Variants in RBFOX1 observed in about 807,000 individuals in gnomAD.
The protein encoded by RBFOX1 is RNA binding fox-1 homolog 1.
A neutral mutation model predicts 57.7 loss-of-function variants in RBFOX1; 8 were observed. The observed-to-expected ratio is 0.14, with a 90% CI of 0.08 to 0.25. RBFOX1 has a LOEUF of 0.25. Ranked by LOEUF, RBFOX1 falls within the 10% of genes least tolerant of loss-of-function variation. RBFOX1 has a pLI of 1.00. For synonymous variants in RBFOX1, 326 were observed against 222.4 expected (o/e 1.47, Z -4.15); for missense variants, 611 against 548.5 (o/e 1.11, Z -1.14).
At chr16:6,986,047 A>G (rs11077121) in intron 3 of RBFOX1, among the ~76,000 whole-genome samples, 105,579 of 151,012 alleles carry the variant, frequency 0.7, 37,296 homozygotes, top group East Asian at 0.81. Context: ...CATATCTCCA[A>G]TTTTTAAATT....
intron 4 of RBFOX1, among the ~76,000 whole-genome samples, chr16:5,995,019 A>AT (rs539607150): frequency 6.6e-6 from 1 of 152,114 alleles, no homozygotes. Flanking sequence ...GTTGGGAGAT[A>AT]TTTTTTTCCC....
At position 7,119,017 on chromosome 16, in the gene RBFOX1, T is replaced by C. The variant is rs569970706; in HGVS notation, c.27+66919T>C. On this transcript the variant is annotated intron_variant, in intron 4 of 15. Coordinates refer to ENST00000550418, the MANE Select transcript of RBFOX1 (RefSeq NM_018723.4). ...AGTTCTGTGTGCCAGAGGACACTCATGGGGAGAGATCAAGGTTACTTTTTG... is the reference window on the plus strand; with the variant it reads ...AGTTCTGTGTGCCAGAGGACACTCACGGGGAGAGATCAAGGTTACTTTTTG... Among the ~76,000 whole-genome samples, 5 of 152,102 alleles carry C rather than the reference T, an allele frequency of 3.3e-5. No homozygotes were observed. In the South Asian group the frequency reaches 1.0e-3, roughly 32 times the overall value.
chr16:6,274,692 G>GT (rs2075603400), intron 1 of RBFOX1, among the ~76,000 whole-genome samples: 1 of 152,120 alleles, frequency 6.6e-6, no homozygotes, highest in African/African-American at 2.4e-5. Context: ...GAGGAACTAG[G>GT]TAACTACACA....
At chr16:7,533,945 G>A (rs776884384) in intron 5 of RBFOX1, among the ~76,000 whole-genome samples, 5 of 152,086 alleles carry the variant, frequency 3.3e-5, no homozygotes, top group African/African-American at 4.8e-5. Context: ...CCAATGGTGG[G>A]CGATGTTACC....
chr16:7,510,166 T>C, intron 4 of RBFOX1: 13 of 985,726 alleles, frequency 1.3e-5, no homozygotes, highest in Non-Finnish European at 1.6e-5. Flanking sequence ...GCCCCCCACC[T>C]TCCTCAACAC....
intron 3 of RBFOX1, among the ~76,000 whole-genome samples, chr16:6,906,317 G>A (rs541340872): frequency 2.6e-5 from 4 of 151,628 alleles, no homozygotes; most frequent in African/African-American, 9.7e-5. Context: ...TAATAAAATT[G>A]TATTCAATTG....
At chr16:7,442,159 C>T (rs1305923119) in intron 4 of RBFOX1, among the ~76,000 whole-genome samples, 2 of 152,090 alleles carry the variant, frequency 1.3e-5, no homozygotes, top group East Asian at 1.9e-4. Context: ...AACGGGACCC[C>T]AGAGATTTTA....
At chr16:6,067,383 C>CAAA (rs79297761) in intron 1 of RBFOX1, among the ~76,000 whole-genome samples, 6 of 143,598 alleles carry the variant, frequency 4.2e-5, no homozygotes, top group East Asian at 4.1e-4. Context: ...AACAAACCAA[C>CAAA]CAAACAAACA....
chr16:6,149,709 A>G (rs1250752581), intron 1 of RBFOX1, among the ~76,000 whole-genome samples: 1 of 152,186 alleles, frequency 6.6e-6, no homozygotes, highest in Non-Finnish European at 1.5e-5. Context: ...CCACCCCCAT[A>G]AGAGATGCAG....
intron 1 of RBFOX1, among the ~76,000 whole-genome samples, chr16:5,264,967 C>T (rs2062822866): frequency 6.6e-6 from 1 of 152,026 alleles, no homozygotes; most frequent in Non-Finnish European, 1.5e-5. Flanking sequence ...TGCAGCAAAA[C>T]CTAACCTATT....
chr16:7,193,577 C>T (rs1200081143), intron 4 of RBFOX1, among the ~76,000 whole-genome samples: 1 of 152,200 alleles, frequency 6.6e-6, no homozygotes, highest in Non-Finnish European at 1.5e-5. Context: ...GAGCATTTTA[C>T]ATGCATTACC....
chr16:7,650,338 G>T (rs1218549833), intron 11 of RBFOX1, among the ~76,000 whole-genome samples: 2 of 150,328 alleles, frequency 1.3e-5, no homozygotes, highest in African/African-American at 4.9e-5. Context: ...TTGGCCAAGG[G>T]TACCTAGCCT....
chr16:6,262,605 C>G (rs1352311358), intron 1 of RBFOX1, among the ~76,000 whole-genome samples: 9 of 152,172 alleles, frequency 5.9e-5, no homozygotes, highest in Non-Finnish European at 1.2e-4. Context: ...ATTGATTGCT[C>G]ACTTTTATTT....
intron 1 of RBFOX1, among the ~76,000 whole-genome samples, chr16:5,441,032 G>T (rs140566346): frequency 6.6e-6 from 1 of 152,138 alleles, no homozygotes. Flanking sequence ...CAAATTGATC[G>T]TGAAAATGAA....
intron 1 of RBFOX1, among the ~76,000 whole-genome samples, chr16:5,353,720 A>G (rs1596626115): frequency 1.8e-5 from 1 of 55,402 alleles, no homozygotes. Context: ...CTAATTTCCC[A>G]TTGAGGAAAA....
chr16:7,085,971 A>G (rs970038294), intron 4 of RBFOX1, among the ~76,000 whole-genome samples: 1 of 152,134 alleles, frequency 6.6e-6, no homozygotes, highest in Non-Finnish European at 1.5e-5. Flanking sequence ...TGGTCAGTGT[A>G]TGTGCCTGAT....
chr16:6,022,493 C>T (rs1276685068), intron 1 of RBFOX1, among the ~76,000 whole-genome samples: 1 of 152,004 alleles, frequency 6.6e-6, no homozygotes, highest in East Asian at 1.9e-4. Context: ...CCAGCCTGGA[C>T]AACTTAGCAA....
At chr16:6,986,580 C>T (rs2090338654) in intron 3 of RBFOX1, among the ~76,000 whole-genome samples, 1 of 152,164 alleles carries the variant, frequency 6.6e-6, no homozygotes, top group South Asian at 2.1e-4. Flanking sequence ...GCATGAGCTC[C>T]TGGGCCTGGC....
intron 4 of RBFOX1, among the ~76,000 whole-genome samples, chr16:5,939,342 A>G (rs1489720496): frequency 6.6e-6 from 1 of 152,246 alleles, no homozygotes; most frequent in Non-Finnish European, 1.5e-5. Context: ...AGGTTCAGGA[A>G]TTTGGGAGCT....
Sources: allele counts gnomAD v4.1 joint callset (sites outside exome capture counted in the v4.1 genomes callset), GRCh38; gene constraint gnomAD v4.1.1; transcripts MANE v1.5; gene names NCBI Gene and HGNC (gene_info 2026-07-23, HGNC 2026-07-21).